The following AFG2A variants were observed in gnomAD, a reference collection of about 807,000 sequenced individuals.
AFG2A encodes the protein ATPase family gene 2 protein homolog A.
chr4:123,063,443 T>C, the AFG2A span, among the ~76,000 whole-genome samples: 1 of 152,198 alleles, frequency 6.6e-6, no homozygotes, highest in South Asian at 2.1e-4. Flanking sequence ...AAAGTGACAA[T>C]GCATAAAGAA....
At chr4:123,226,487 G>T in the AFG2A span, among the ~76,000 whole-genome samples, 6 of 152,086 alleles carry the variant, frequency 3.9e-5, no homozygotes, top group Admixed American at 3.9e-4. Flanking sequence ...TTTGTCTTTG[G>T]TTCTGTTTAT....
chr4:123,115,736 C>T, the AFG2A span, among the ~76,000 whole-genome samples: 1 of 152,132 alleles, frequency 6.6e-6, no homozygotes. Flanking sequence ...TGCCCCACCA[C>T]AGCCGGTCCC....
chr4:123,178,125 G>T, the AFG2A span, among the ~76,000 whole-genome samples: 2 of 152,034 alleles, frequency 1.3e-5, no homozygotes, highest in East Asian at 1.9e-4. Context: ...GAGTTTTTTT[G>T]AAATAGATTT....
At chr4:122,964,895 C>T in the AFG2A span, among the ~76,000 whole-genome samples, 6 of 152,100 alleles carry the variant, frequency 3.9e-5, no homozygotes, top group Non-Finnish European at 8.8e-5. Context: ...CCTAGTGGTA[C>T]AGCAAGTGAT....
chr4:123,069,173 A>G, the AFG2A span, among the ~76,000 whole-genome samples: 1 of 152,182 alleles, frequency 6.6e-6, no homozygotes, highest in Non-Finnish European at 1.5e-5. Flanking sequence ...AGTGATGAGC[A>G]TTATCCATTT....
At chr4:123,092,439 T>C in the AFG2A span, among the ~76,000 whole-genome samples, 1 of 152,216 alleles carries the variant, frequency 6.6e-6, no homozygotes, top group Non-Finnish European at 1.5e-5. Context: ...GTCCTCGATA[T>C]TAGATATATT....
At chr4:123,307,798 A>G in the AFG2A span, among the ~76,000 whole-genome samples, 1 of 152,240 alleles carries the variant, frequency 6.6e-6, no homozygotes, top group Non-Finnish European at 1.5e-5. Context: ...CTATGTTTAG[A>G]TACACAAATA....
the AFG2A span, among the ~76,000 whole-genome samples, chr4:123,106,251 C>T: frequency 1.3e-5 from 2 of 152,004 alleles, no homozygotes; most frequent in Admixed American, 6.5e-5. Flanking sequence ...TATATTTTTC[C>T]CCCATACATA....
chr4:122,945,917 G>C, the AFG2A span, among the ~76,000 whole-genome samples: 1 of 152,172 alleles, frequency 6.6e-6, no homozygotes, highest in Non-Finnish European at 1.5e-5. Context: ...GTAAGAGAAG[G>C]GTTGTCACCT....
the AFG2A span, among the ~76,000 whole-genome samples, chr4:123,298,832 TG>T: frequency 6.6e-6 from 1 of 152,178 alleles, no homozygotes; most frequent in Non-Finnish European, 1.5e-5. Context: ...TTGATGTGTG[TG>T]GGGGGTTTAA....
the AFG2A span, among the ~76,000 whole-genome samples, chr4:123,095,430 T>TA: frequency 6.6e-6 from 1 of 152,126 alleles, no homozygotes; most frequent in Non-Finnish European, 1.5e-5. Flanking sequence ...CCTTTCCAGA[T>TA]ACTTTTTCTC....
chr4:123,262,709 G>C, the AFG2A span, among the ~76,000 whole-genome samples: 1 of 152,156 alleles, frequency 6.6e-6, no homozygotes, highest in African/African-American at 2.4e-5. Flanking sequence ...CTAAAGTTAG[G>C]AACCTTGTTT....
At chr4:123,268,856 T>G in the AFG2A span, among the ~76,000 whole-genome samples, 3 of 152,140 alleles carry the variant, frequency 2.0e-5, no homozygotes, top group East Asian at 5.8e-4. Flanking sequence ...CCCAGAGCAA[T>G]AAAGAGAAAT....
the AFG2A span, among the ~76,000 whole-genome samples, chr4:123,186,004 T>A: frequency 6.6e-6 from 1 of 152,336 alleles, no homozygotes; most frequent in Non-Finnish European, 1.5e-5. Flanking sequence ...CATGGATATT[T>A]ACGGACTATA....
At chr4:123,233,123 T>TA in the AFG2A span, among the ~76,000 whole-genome samples, 1 of 152,128 alleles carries the variant, frequency 6.6e-6, no homozygotes, top group Non-Finnish European at 1.5e-5. Flanking sequence ...AAAGCAGTGT[T>TA]AATCGCATGA....
At chr4:123,040,549 G>A in the AFG2A span, among the ~76,000 whole-genome samples, 2 of 152,130 alleles carry the variant, frequency 1.3e-5, no homozygotes, top group South Asian at 2.1e-4. Flanking sequence ...CCCACAATAC[G>A]TGGAAAACTG....
the AFG2A span, among the ~76,000 whole-genome samples, chr4:123,061,182 C>T: frequency 6.6e-6 from 1 of 152,122 alleles, no homozygotes; most frequent in Non-Finnish European, 1.5e-5. Flanking sequence ...TAGGAAGTTC[C>T]AAACTTTCCC....
At chr4:123,071,802 T>C in the AFG2A span, among the ~76,000 whole-genome samples, 1 of 152,236 alleles carries the variant, frequency 6.6e-6, no homozygotes, top group African/African-American at 2.4e-5. Context: ...ATCTAGTTTA[T>C]CATGTAGGTG....
At chr4:122,940,904 G>T in the AFG2A span, among the ~76,000 whole-genome samples, 3 of 150,550 alleles carry the variant, frequency 2.0e-5, no homozygotes, top group African/African-American at 7.5e-5. Context: ...TTTCCCCATT[G>T]CTTGTTTTTG....
Sources: allele counts gnomAD v4.1 joint callset (sites outside exome capture counted in the v4.1 genomes callset), GRCh38; gene constraint gnomAD v4.1.1; transcripts MANE v1.5; gene names NCBI Gene and HGNC (gene_info 2026-07-23, HGNC 2026-07-21).